The following RIPOR2 variants were observed in gnomAD, a reference collection of about 807,000 sequenced individuals.
The protein encoded by RIPOR2 is rho family-interacting cell polarization regulator 2.
RIPOR2 carries 39 observed loss-of-function variants against 114.5 expected under a neutral mutation model. The observed-to-expected ratio is 0.34, with a 90% CI of 0.26 to 0.44. The LOEUF is 0.44. RIPOR2 is among the 20% of genes least tolerant of loss of function. RIPOR2 has a pLI of 1.00. For missense variants in RIPOR2, 1,007 were observed against 1,255.1 expected, an observed-to-expected ratio of 0.80 and a Z score of 2.99; for synonymous variants, 445 against 484.4, an observed-to-expected ratio of 0.92 and a Z score of 1.07.
chr6:24,835,737 A>C lies in RIPOR2; in HGVS notation c.2174T>G (p.Val725Gly). 6.4e-7 allele frequency: 1 copy of C among 1,551,636 alleles called. No individual in the cohort carries two copies. Among genetic ancestry groups the C allele is most frequent in the Non-Finnish European group, 8.7e-7 (1 of 1,146,952 alleles). Reference protein sequence around the residue: ...TGNESLDITIVRHLQYCTQLV... With the variant: ...TGNESLDITIGRHLQYCTQLV... Reference sequence around the variant, plus strand: ...TTGGGTGCAGTACTGGAGGTGCCTGACGATGGTGATGTCCAGGCTCTCGTT... The same window carrying C: ...TTGGGTGCAGTACTGGAGGTGCCTGCCGATGGTGATGTCCAGGCTCTCGTT... The change falls in exon 15 of 22, where the codon GTC (valine) becomes GGC (glycine). Residue 725 changes from valine to glycine, a missense_variant. Coordinates refer to ENST00000643898, the MANE Select transcript of RIPOR2 (RefSeq NM_001286445.3).
chr6:24,850,898 CT>C (rs371904262), intron 9 of RIPOR2, among the ~76,000 whole-genome samples, 176 bp from the exon 10 acceptor site: 427 of 138,274 alleles, frequency 3.1e-3, no homozygotes, highest in Non-Finnish European at 3.1e-3. Context: ...GGGGAGGAGA[CT>C]TTTTTTTTTT....
chr6:24,962,665 C>A lies in RIPOR2; in HGVS notation c.76+79186G>T, dbSNP rs145066570. On this transcript the variant is annotated intron_variant, in intron 1 of 13. Coordinates refer to the RIPOR2 transcript ENST00000510784. ...TTTTTTTAGTATGGTAAGGTTTGAG[C>A]TTTTAGCCACTTAATAGCATTTGAA... Among the ~76,000 whole-genome samples the A allele has an allele frequency of 2.8e-4, 43 of 152,108 alleles. No individual in the cohort carries two copies. The East Asian group carries it at 8.1e-3, about 29-fold the overall frequency.
At position 24,865,301 on chromosome 6, in the gene RIPOR2, C is replaced by T; in HGVS notation, c.651G>A (p.Glu217=). 1 of 1,610,790 alleles carries T rather than the reference C, an allele frequency of 6.2e-7. No homozygotes were observed. The highest frequency in any genetic ancestry group is 1.1e-5 in the South Asian group (1 of 90,488). Residue 217 remains glutamate (E), a splice_region_variant and synonymous_variant, in exon 7 of 22, where the codon GAG becomes GAA. Coordinates refer to ENST00000643898, the MANE Select transcript of RIPOR2 (RefSeq NM_001286445.3). Reference sequence around the variant, plus strand: ...ACTTAAGCAGGTTAGGGAGTTATACCTCTGTGTACTCCTTGAAGCTCCGAT... The same window carrying T: ...ACTTAAGCAGGTTAGGGAGTTATACTTCTGTGTACTCCTTGAAGCTCCGAT... ...EINRSFKEYT[E]NMCTIEVELE... is the part of the protein sequence containing the mutation.
intron 11 of RIPOR2, among the ~76,000 whole-genome samples, chr6:24,848,589 CATTCATTTCAGTTG>C (rs796066776): frequency 3.3e-5 from 5 of 152,258 alleles, no homozygotes; most frequent in African/African-American, 1.2e-4. Context: ...AATAGAATCC[CATTCATTTCAGTTG>C]ACACAGAGCC....
intron 1 of RIPOR2, among the ~76,000 whole-genome samples, chr6:24,935,317 CAACAAAAAAAA>C (rs1337725846): frequency 2.3e-4 from 18 of 79,732 alleles, no homozygotes; most frequent in African/African-American, 3.7e-4. Context: ...CAAAAAACAA[CAACAAAAAAAA>C]AAAAAAAAAA....
intron 1 of RIPOR2, among the ~76,000 whole-genome samples, chr6:24,880,356 A>AAC (rs1188125917): frequency 3.3e-5 from 5 of 152,232 alleles, no homozygotes; most frequent in Admixed American, 6.5e-5. Flanking sequence ...TACAGAATGA[A>AAC]ACAGAGTATG....
intron 1 of RIPOR2, among the ~76,000 whole-genome samples, chr6:24,911,330 C>G (rs1344217737): frequency 6.6e-6 from 1 of 152,078 alleles, no homozygotes; most frequent in Non-Finnish European, 1.5e-5. Context: ...GGAATCGCGC[C>G]GGGGAGCGAG....
At chr6:24,960,996 T>C (rs539741512) in intron 1 of RIPOR2, among the ~76,000 whole-genome samples, 1 of 152,282 alleles carries the variant, frequency 6.6e-6, no homozygotes, top group South Asian at 2.1e-4. Flanking sequence ...TTCTAGCTGC[T>C]TTTGCTCCTA....
chr6:24,928,309 G>A (rs1015164826), intron 1 of RIPOR2, among the ~76,000 whole-genome samples: 13 of 152,086 alleles, frequency 8.5e-5, no homozygotes, highest in African/African-American at 3.1e-4. Context: ...AATCATATCT[G>A]CTTATTTGAG....
At chr6:25,026,917 G>T (rs1342569357) in intron 1 of RIPOR2, among the ~76,000 whole-genome samples, 2 of 152,120 alleles carry the variant, frequency 1.3e-5, no homozygotes, top group African/African-American at 4.8e-5. Context: ...TGCTCCACAG[G>T]CCCTAGACCA....
chr6:25,005,694 G>GATAGATATAT (rs1554130520), intron 1 of RIPOR2, among the ~76,000 whole-genome samples: 3 of 45,378 alleles, frequency 6.6e-5, no homozygotes, highest in South Asian at 1.1e-3. Context: ...TCCCTATGGA[G>GATAGATATAT]ATATATATAT....
rs1363574050 is a variant in RIPOR2, at chr6:24,806,273, C to T, written c.*100G>A. On this transcript the variant is annotated 3_prime_UTR_variant, in exon 22 of 22. Transcript: ENST00000643898. The stretch of plus-strand genomic sequence containing the variant: ...TGGCCTACATTTTTATTTCAGTTGT[C>T]GTGTCTCTCAGGCTCTAAACAATTT... 13 of 816,240 alleles carry T rather than the reference C, an allele frequency of 1.6e-5. No individual in the cohort carries two copies. Among genetic ancestry groups the T allele is most frequent in the East Asian group, 1.1e-4 (4 of 36,910 alleles). The allele number at this position is 816,240 out of a possible 1,614,324, so 50.6% of individuals were successfully genotyped here.
At chr6:24,843,698 C>CGTGTGT (rs34540028) in intron 12 of RIPOR2, 144 bp from the exon 13 acceptor site, 252 of 368,306 alleles carry the variant, frequency 6.8e-4, no homozygotes, top group African/African-American at 2.8e-3. Context: ...TTGTTGATGC[C>CGTGTGT]GTGTGTGTGT....
At chr6:25,027,772 C>T (rs1250014791) in intron 1 of RIPOR2, among the ~76,000 whole-genome samples, 7 of 152,218 alleles carry the variant, frequency 4.6e-5, no homozygotes, top group African/African-American at 1.4e-4. Context: ...GATCCGCAGA[C>T]GCCCCCAGGT....
At chr6:25,000,771 C>A (rs1476127116) in intron 1 of RIPOR2, among the ~76,000 whole-genome samples, 1 of 152,196 alleles carries the variant, frequency 6.6e-6, no homozygotes, top group Non-Finnish European at 1.5e-5. Flanking sequence ...AGTTCCCCAG[C>A]ATTGCTGCTT....
chr6:24,834,537 T>C (rs1357072853), intron 15 of RIPOR2, among the ~76,000 whole-genome samples: 1 of 151,796 alleles, frequency 6.6e-6, no homozygotes, highest in African/African-American at 2.4e-5. Context: ...GAAAATCCTA[T>C]TTGTTTTAGA....
intron 1 of RIPOR2, among the ~76,000 whole-genome samples, chr6:24,973,930 A>T (rs914586076): frequency 5.3e-5 from 8 of 152,226 alleles, no homozygotes; most frequent in African/African-American, 1.7e-4. Context: ...AATGATAGAC[A>T]CTTGGGATGA....
At chr6:25,026,042 G>GTTTTTTTTTTT in intron 1 of RIPOR2, among the ~76,000 whole-genome samples, 1 of 146,926 alleles carries the variant, frequency 6.8e-6, no homozygotes. Flanking sequence ...TACAAAGATT[G>GTTTTTTTTTTT]TTGTTTTTTT....
At chr6:25,041,710 G>A in intron 1 of RIPOR2, 6 of 592,896 alleles carry the variant, frequency 1.0e-5, no homozygotes, top group South Asian at 4.0e-5. Context: ...AAGTCCATTG[G>A]AAAACGGAGC....
Sources: gnomAD v4.1 joint callset for allele counts (sites outside exome capture counted in the v4.1 genomes callset) on GRCh38, gnomAD v4.1.1 for gene constraint, MANE v1.5 for transcripts, NCBI Gene and HGNC (gene_info 2026-07-23, HGNC 2026-07-21) for gene names.